IFIH1: variants seen among roughly 807,000 people sequenced by gnomAD.
IFIH1 encodes the protein interferon-induced helicase C domain-containing protein 1.
IFIH1 carries 125 observed loss-of-function variants against 107.4 expected under a neutral mutation model. The observed-to-expected ratio is 1.16, with a 90% CI of 1.01 to 1.35. The LOEUF (loss-of-function observed/expected upper bound fraction) is 1.35. IFIH1 is among the 40% of genes most tolerant of loss of function. The pLI, the probability that IFIH1 is intolerant of heterozygous loss-of-function variation, is 0.00. For missense variants in IFIH1, 1,333 were observed against 1,213.7 expected (o/e 1.10, Z -1.46); for synonymous variants, 458 against 413.2 (o/e 1.11, Z -1.31).
rs948646167 is a variant in IFIH1, at chr2:162,268,210, T to A, written c.2684A>T (p.His895Leu). 1.9e-6 allele frequency: 3 copies of A among 1,612,980 alleles called. No individual in the cohort carries two copies. The Admixed American group carries it at 5.0e-5, about 27-fold the overall frequency. The change falls in exon 14 of 16, where the codon CAT (histidine) becomes CTT (leucine). Residue 895 changes from histidine to leucine, a missense_variant. Coordinates refer to ENST00000649979, the MANE Select transcript of IFIH1 (RefSeq NM_022168.4). ...TATTAGTGATGGGTTATTCTTGTAA[T>A]GCTTGGCAATATTTCTCTTGGTTTT... Reference protein sequence around the residue: ...KMKTKRNIAKHYKNNPSLITF... With the variant: ...KMKTKRNIAKLYKNNPSLITF...
Position 162,276,809 on chromosome 2 carries a change from GT to G in IFIH1, c.2181del (p.Arg728AspfsTer20). On this transcript the variant is annotated frameshift_variant, in exon 11 of 16. Transcript: ENST00000649979. LOFTEE classifies it high-confidence loss of function. ...ESARGIIFTK[T>X]RQSAYALSQW... Reference sequence around the variant, plus strand: ...TGGGAAAGCGCATATGCACTCTGTCGTGTTTTTGTAAAGATTATTCCTCGTG... The same window carrying G: ...TGGGAAAGCGCATATGCACTCTGTCGGTTTTTGTAAAGATTATTCCTCGTG... The G allele has an allele frequency of 6.2e-7, 1 of 1,613,962 alleles. No individual in the cohort carries two copies. The highest frequency in any genetic ancestry group is 1.3e-5 in the African/African-American group (1 of 75,022).
intron 3 of IFIH1, among the ~76,000 whole-genome samples, chr2:162,304,016 T>C (rs1013924622): frequency 3.9e-5 from 6 of 152,104 alleles, no homozygotes; most frequent in Admixed American, 3.3e-4. Context: ...ACTCAGATAG[T>C]GAATTTTGGC....
At chr2:162,307,639 G>A (rs1252984328) in intron 2 of IFIH1, among the ~76,000 whole-genome samples, 1 of 152,166 alleles carries the variant, frequency 6.6e-6, no homozygotes, top group Non-Finnish European at 1.5e-5. Flanking sequence ...ATCTGTCAGA[G>A]AAGACTGATG....
In IFIH1 at chr2:162,282,443, A is replaced by G. The variant is rs746025085; in HGVS notation, c.1229T>C (p.Ile410Thr). ...FPEVVKSCDI[I>T]ISTAQILENS... is the part of the protein sequence containing the mutation. The stretch of plus-strand genomic sequence containing the variant: ...TTCAAGGATTTGAGCTGTACTGATA[A>G]TAATATCACAGGACTTGACAACTTC... The change falls in exon 6 of 16, where the codon ATT becomes ACT. Residue 410 changes from isoleucine to threonine, a missense_variant. Transcript: ENST00000649979. The G allele has an allele frequency of 1.9e-6, 3 of 1,612,092 alleles. No homozygotes were observed. The highest frequency in any genetic ancestry group is 1.7e-4 in the Middle Eastern group (1 of 6,048).
At chr2:162,270,820 A>G (rs1428045138) in intron 13 of IFIH1, among the ~76,000 whole-genome samples, 1 of 152,096 alleles carries the variant, frequency 6.6e-6, no homozygotes, top group Non-Finnish European at 1.5e-5. Flanking sequence ...ACTCTAAAAT[A>G]TTTGCTTTGC....
rs369221961 is a variant in IFIH1 at position 162,302,354 on chromosome 2, A to C, written c.769+4355T>G. Reference sequence around the variant, plus strand: ...ATAATTATAAATATCTTAATTTAAAATTACAAATAATTTGAGTCTTTTCTT... The same window carrying C: ...ATAATTATAAATATCTTAATTTAAACTTACAAATAATTTGAGTCTTTTCTT... On this transcript the variant is annotated intron_variant, in intron 3 of 15. Coordinates refer to ENST00000649979, the MANE Select transcript of IFIH1 (RefSeq NM_022168.4). Among the ~76,000 whole-genome samples, 14 of 152,350 alleles carry C rather than the reference A, an allele frequency of 9.2e-5. No individual in the cohort carries two copies. The East Asian group carries it at 2.7e-3, about 29-fold the overall frequency.
chr2:162,268,033 C>A, intron 14 of IFIH1, 54 bp downstream of exon 14: 1 of 1,266,244 alleles, frequency 7.9e-7, no homozygotes, highest in Non-Finnish European at 1.1e-6. Context: ...ATTTACAATG[C>A]AACCTGCTTC....
intron 3 of IFIH1, among the ~76,000 whole-genome samples, chr2:162,298,389 C>A (rs1015366066): frequency 6.6e-6 from 1 of 152,146 alleles, no homozygotes; most frequent in Admixed American, 6.5e-5. Context: ...GGCCTCTGTG[C>A]ATATTGAGAA....
Position 162,317,971 on chromosome 2 carries a change from C to T in IFIH1, c.337G>A (p.Glu113Lys), listed in dbSNP as rs1419235573. Residue 113 changes from glutamate (E) to lysine (K), a missense_variant, in exon 1 of 16, where the codon GAA becomes AAA. Transcript: ENST00000649979. Reference protein sequence around the residue: ...PSPSFENAHDEYLQLLNLLQP... With the variant: ...PSPSFENAHDKYLQLLNLLQP... Reference sequence around the variant, plus strand: ...AGGAGGTTCAGCAGTTGGAGATATTCATCATGAGCGTTCTCAAACGATGGA... The same window carrying T: ...AGGAGGTTCAGCAGTTGGAGATATTTATCATGAGCGTTCTCAAACGATGGA... 6.2e-7 allele frequency: 1 copy of T among 1,614,202 alleles called. No homozygotes were observed. Among genetic ancestry groups the T allele is most frequent in the Admixed American group, 1.7e-5 (1 of 60,026 alleles).
At chr2:162,288,789 G>C (rs564086003) in intron 4 of IFIH1, among the ~76,000 whole-genome samples, 1 of 151,944 alleles carries the variant, frequency 6.6e-6, no homozygotes, top group South Asian at 2.1e-4. Flanking sequence ...AAGAGGAGCT[G>C]AGAAAGTTGG....
intron 4 of IFIH1, among the ~76,000 whole-genome samples, chr2:162,291,320 T>C (rs1682994180): frequency 2.0e-5 from 3 of 151,848 alleles, no homozygotes; most frequent in Non-Finnish European, 2.9e-5. Flanking sequence ...ATCTACAAAG[T>C]ATTCCTTTAC....
intron 11 of IFIH1, among the ~76,000 whole-genome samples, chr2:162,275,366 T>TA (rs1439712735): frequency 1.3e-5 from 2 of 152,122 alleles, no homozygotes; most frequent in Non-Finnish European, 2.9e-5. Flanking sequence ...AATAGAAATT[T>TA]AAAAACAGAA....
Position 162,280,425 on chromosome 2 carries a change from A to G in IFIH1, c.1525-313T>C, listed in dbSNP as rs7603101. ...TTCATTCCTTAAATTCCATTTTCCA[A>G]GTGGAAAACTGACATGGAAAGAGTA... On this transcript the variant is annotated intron_variant, in intron 7 of 15. Transcript: ENST00000649979. Among the ~76,000 whole-genome samples the G allele has an allele frequency of 0.15, 23,205 of 152,016 alleles. 4,274 individuals carry two copies. The highest frequency in any genetic ancestry group is 0.42 in the African/African-American group (17,265 of 41,430).
intron 1 of IFIH1, among the ~76,000 whole-genome samples, chr2:162,312,051 G>C (rs1683392828): frequency 6.6e-6 from 1 of 152,024 alleles, no homozygotes; most frequent in Admixed American, 6.5e-5. Context: ...ATTATCAAAG[G>C]TCCTTCTCAA....
At chr2:162,267,709 G>A (rs1690953988) in intron 14 of IFIH1, 140 bp from the exon 15 acceptor site, 1 of 672,140 alleles carries the variant, frequency 1.5e-6, no homozygotes, top group Non-Finnish European at 2.6e-6. Context: ...CTGCTTCCCA[G>A]GCTTGTTATT....
At position 162,318,131 on chromosome 2, in the gene IFIH1, A is replaced by C. The variant is rs115500208; in HGVS notation, c.177T>G (p.Val59=). Residue 59 remains valine, a synonymous_variant, in exon 1 of 16, where the codon GTT becomes GTG. Transcript: ENST00000649979. The stretch of plus-strand genomic sequence containing the variant: ...TCTCCAAGGTGCTCAGCAGCAGTTC[A>C]ACTGCCTGCATGTTCCCGGAGGTGG... The part of the protein sequence containing the change: ...TVATSGNMQA[V]ELLLSTLEKG... The C allele has an allele frequency of 6.2e-7, 1 of 1,614,170 alleles. No homozygotes were observed. Among genetic ancestry groups the C allele is most frequent in the Non-Finnish European group, 8.5e-7 (1 of 1,180,010 alleles).
At chr2:162,307,871 T>G (rs1683314870) in intron 2 of IFIH1, among the ~76,000 whole-genome samples, 1 of 152,212 alleles carries the variant, frequency 6.6e-6, no homozygotes, top group African/African-American at 2.4e-5. Context: ...TTACATACAT[T>G]AAGTTATTTA....
chr2:162,278,481 T>A lies in IFIH1; in HGVS notation c.1642-153A>T, dbSNP rs79334522. ...GTGTCCCATCACTTGTCTGTACATT[T>A]ATTTTTGTCAGCTTCTCTTTTAAGC... On this transcript the variant is annotated intron_variant, in intron 8 of 15. Coordinates refer to ENST00000649979, the MANE Select transcript of IFIH1 (RefSeq NM_022168.4). Among the ~76,000 whole-genome samples, 610 of 152,276 alleles carry A rather than the reference T, an allele frequency of 4.0e-3. 1 individual carries two copies. Among genetic ancestry groups the A allele is most frequent in the Non-Finnish European group, 6.5e-3 (444 of 68,000 alleles).
intron 1 of IFIH1, among the ~76,000 whole-genome samples, chr2:162,315,472 A>C (rs1479919626): frequency 6.6e-6 from 1 of 152,212 alleles, no homozygotes; most frequent in East Asian, 1.9e-4. Flanking sequence ...TTAAATTTAC[A>C]CAGAAATGTA....
Sources: allele counts gnomAD v4.1 joint callset (sites outside exome capture counted in the v4.1 genomes callset), GRCh38; gene constraint gnomAD v4.1.1; transcripts MANE v1.5; gene names NCBI Gene and HGNC (gene_info 2026-07-23, HGNC 2026-07-21).